TLE4: variants seen among roughly 807,000 people sequenced by gnomAD.
TLE4 encodes the protein TLE family member 4, transcriptional corepressor.
A neutral mutation model predicts 92.8 loss-of-function variants in TLE4; 8 were observed. The ratio of observed to expected loss-of-function variants is 0.09; its 90% confidence interval spans 0.05 to 0.16. The LOEUF (loss-of-function observed/expected upper bound fraction) is 0.16. TLE4 is among the 10% of genes least tolerant of loss of function. The pLI is 1.00. For synonymous variants in TLE4, 371 were observed against 374.1 expected (o/e 0.99, Z 0.10); for missense variants, 675 against 997.6 (o/e 0.68, Z 4.36).
At chr9:79,633,746 G>A (rs765661638) in intron 6 of TLE4, among the ~76,000 whole-genome samples, 19 of 152,166 alleles carry the variant, frequency 1.2e-4, no homozygotes, top group Non-Finnish European at 2.1e-4. Context: ...CCTGCCAGCA[G>A]TGTTTCCACA....
At chr9:79,574,985 C>A in intron 3 of TLE4, 49 bp downstream of exon 3, 1 of 1,516,406 alleles carries the variant, frequency 6.6e-7, no homozygotes, top group Non-Finnish European at 9.2e-7. Flanking sequence ...TTTGGAATAC[C>A]AAAAACAAGA....
Position 79,725,194 on chromosome 9 carries a change from C to G in TLE4, c.*50C>G, listed in dbSNP as rs1193715617. 1 of 1,393,428 alleles carries G rather than the reference C, an allele frequency of 7.2e-7. No individual in the cohort carries two copies. Among genetic ancestry groups the G allele is most frequent in the Non-Finnish European group, 1.0e-6 (1 of 983,708 alleles). The allele number at this position is 1,393,428 out of a possible 1,614,324, so 86.3% of individuals were successfully genotyped here. A position where few individuals can be genotyped will look rare whatever the true frequency, so the allele number is the denominator to read the frequency against. ...CTTCTCCTCCTGGTAGCACTTTGCT[C>G]TGTCATCCTTTTTGTTCACCCCCAT... On this transcript the variant is annotated 3_prime_UTR_variant, in exon 20 of 20. Coordinates refer to ENST00000376552, the MANE Select transcript of TLE4 (RefSeq NM_007005.6).
intron 8 of TLE4, among the ~76,000 whole-genome samples, chr9:79,681,485 A>G (rs892785294): frequency 6.6e-6 from 1 of 152,158 alleles, no homozygotes; most frequent in African/African-American, 2.4e-5. Flanking sequence ...TTCCTTATAG[A>G]GTGACAGCAT....
At position 79,671,995 on chromosome 9, in the gene TLE4, C is replaced by CTT. The variant is rs773064446; in HGVS notation, c.609+17948_609+17949dup. Reference sequence around the variant, plus strand: ...CTTTTTAGGCCATTGAAACAAAACACTTTTTTTTTTTTTTTTTTTTTTTTT... The same window carrying CTT: ...CTTTTTAGGCCATTGAAACAAAACACTTTTTTTTTTTTTTTTTTTTTTTTTTT... On this transcript the variant is annotated intron_variant, in intron 8 of 19. Transcript: ENST00000376552. 2.6e-3 allele frequency among the ~76,000 whole-genome samples: 88 copies of CTT among 33,714 alleles called. 25 individuals carry two copies. The highest frequency in any genetic ancestry group is 0.011 in the African/African-American group (81 of 7,612). 22.1% of individuals were successfully genotyped at this position (33,714 alleles called of 152,430 possible).
chr9:79,725,286 C>T lies in TLE4; in HGVS notation c.*142C>T, dbSNP rs2076283174. The T allele has an allele frequency of 1.7e-6, 1 of 583,602 alleles. No individual in the cohort carries two copies. Among genetic ancestry groups the T allele is most frequent in the Non-Finnish European group, 3.0e-6 (1 of 327,970 alleles). 36.2% of individuals were successfully genotyped at this position (583,602 alleles called of 1,614,324 possible). On this transcript the variant is annotated 3_prime_UTR_variant, in exon 20 of 20. Transcript: ENST00000376552. ...TGTGGAGTTTAATCCCCTTTCTTAA[C>T]CTCACTTCCCACTTGCTATTGAATT...
chr9:79,626,183 A>T (rs1432482615), intron 5 of TLE4, among the ~76,000 whole-genome samples: 9 of 152,204 alleles, frequency 5.9e-5, no homozygotes, highest in African/African-American at 1.7e-4. Flanking sequence ...AGAGGTGGAA[A>T]TAATGGTCAC....
chr9:79,606,685 G>C (rs1227606773), intron 4 of TLE4, among the ~76,000 whole-genome samples: 1 of 152,030 alleles, frequency 6.6e-6, no homozygotes, highest in Non-Finnish European at 1.5e-5. Context: ...CTTCAACCAT[G>C]TCTCTGCAAA....
intron 4 of TLE4, among the ~76,000 whole-genome samples, chr9:79,596,780 C>G (rs2044137775): frequency 6.6e-6 from 1 of 152,136 alleles, no homozygotes; most frequent in Admixed American, 6.5e-5. Context: ...TTTCTGTCAG[C>G]CAGATATGGG....
At chr9:79,698,872 CATATAT>C in intron 8 of TLE4, among the ~76,000 whole-genome samples, 1 of 144,294 alleles carries the variant, frequency 6.9e-6, no homozygotes, top group African/African-American at 2.6e-5. Flanking sequence ...TATATATATA[CATATAT>C]ATATATATAT....
At chr9:79,581,612 T>C (rs1037380361) in intron 4 of TLE4, among the ~76,000 whole-genome samples, 2 of 152,218 alleles carry the variant, frequency 1.3e-5, no homozygotes, top group African/African-American at 4.8e-5. Flanking sequence ...GTTCTCATAA[T>C]GATCCTAAGA....
chr9:79,698,499 G>C (rs1040725093), intron 8 of TLE4, among the ~76,000 whole-genome samples: 2 of 152,090 alleles, frequency 1.3e-5, no homozygotes, highest in African/African-American at 2.4e-5. Context: ...CTTTTAACAA[G>C]GGCAGGGCTT....
At chr9:79,705,641 T>C (rs2071331727) in intron 9 of TLE4, among the ~76,000 whole-genome samples, 1 of 152,204 alleles carries the variant, frequency 6.6e-6, no homozygotes, top group African/African-American at 2.4e-5. Flanking sequence ...AGTTTGTAAC[T>C]GAAAAATGTA....
intron 8 of TLE4, chr9:79,693,519 G>C (rs891583854): frequency 2.5e-5 from 9 of 356,204 alleles, no homozygotes; most frequent in African/African-American, 1.1e-4. Flanking sequence ...CTATACCCTG[G>C]AAGTTTATAA....
rs1193319794 is a variant in TLE4, at chr9:79,574,974, G to A, written c.207+38G>A. The stretch of plus-strand genomic sequence containing the variant: ...TGTCACAGATTCAAAGTGCCTATTA[G>A]TTTGGAATACCAAAAACAAGAATAT... On this transcript the variant is annotated intron_variant, in intron 3 of 19. Transcript: ENST00000376552. 1.9e-6 allele frequency: 3 copies of A among 1,571,112 alleles called. No individual in the cohort carries two copies. The East Asian group carries it at 6.7e-5, about 35-fold the overall frequency.
At chr9:79,684,449 A>G (rs11138330) in intron 8 of TLE4, among the ~76,000 whole-genome samples, 82,861 of 152,078 alleles carry the variant, frequency 0.54, 25,488 homozygotes, top group East Asian at 0.74. Flanking sequence ...ATAGGCATGC[A>G]TACTCTATTG....
intron 8 of TLE4, among the ~76,000 whole-genome samples, chr9:79,667,373 T>C (rs528460829): frequency 2.0e-5 from 3 of 152,334 alleles, no homozygotes; most frequent in Admixed American, 6.5e-5. Context: ...GTACATGATT[T>C]CATAAGCTAT....
intron 6 of TLE4, among the ~76,000 whole-genome samples, chr9:79,648,281 G>T (rs1017340598): frequency 1.6e-4 from 24 of 152,116 alleles, no homozygotes; most frequent in African/African-American, 5.6e-4. Flanking sequence ...AGGTGCCAGG[G>T]GTACTAAGAG....
chr9:79,704,902 T>C lies in TLE4; in HGVS notation c.729T>C (p.Tyr243=), dbSNP rs1028402985. Residue 243 remains tyrosine (Y), a splice_region_variant and synonymous_variant, in exon 9 of 20, where the codon TAT becomes TAC. Coordinates refer to ENST00000376552, the MANE Select transcript of TLE4 (RefSeq NM_007005.6). ...KTEEKEIAAR[Y]DSDGEKSDDN... ...AAGAAAAGGAAATTGCAGCTCGTTA[T>C]GTAAGTTCATTCACCTTTGTGTTAG... 2.5e-6 allele frequency: 4 copies of C among 1,614,080 alleles called. No individual in the cohort carries two copies. Among genetic ancestry groups the C allele is most frequent in the Non-Finnish European group, 3.4e-6 (4 of 1,179,992 alleles).
chr9:79,619,732 C>T (rs542358242), intron 5 of TLE4, among the ~76,000 whole-genome samples: 18 of 152,316 alleles, frequency 1.2e-4, no homozygotes, highest in African/African-American at 3.8e-4. Context: ...TATGTTATGA[C>T]AGTGCCATAT....
Sources: allele counts gnomAD v4.1 joint callset (sites outside exome capture counted in the v4.1 genomes callset), GRCh38; gene constraint gnomAD v4.1.1; transcripts MANE v1.5; gene names NCBI Gene and HGNC (gene_info 2026-07-23, HGNC 2026-07-21).